TYW1: variants seen among roughly 807,000 people sequenced by gnomAD.
TYW1 encodes the protein S-adenosyl-L-methionine-dependent tRNA 4-demethylwyosine synthase TYW1.
In TYW1, 46 loss-of-function variants were observed where a neutral mutation model predicts 96.2. That is an observed-to-expected ratio of 0.48 (90% CI 0.38 to 0.61). The LOEUF is 0.61. Among genes scored for constraint, TYW1 ranks in the 20% least tolerant of loss-of-function variants. The probability of loss-of-function intolerance (pLI) is 0.00; values close to 1 mark genes in which losing one functional copy is unlikely to be tolerated. For missense variants in TYW1, 684 were observed against 909.6 expected (o/e 0.75, Z 3.19); for synonymous variants, 274 against 323.0 (o/e 0.85, Z 1.63).
chr7:67,092,674 CTTTTTTTTTT>C lies in TYW1; in HGVS notation c.1385-5850_1385-5841del, dbSNP rs3980762. The stretch of plus-strand genomic sequence containing the variant: ...TTCTTTTCCACGTGCCTATCACCTT[CTTTTTTTTTT>C]TTTTTTTTTTTTTTTTGAGACGGAA... On this transcript the variant is annotated intron_variant, in intron 11 of 15. Coordinates refer to ENST00000359626, the MANE Select transcript of TYW1 (RefSeq NM_018264.4). Among the ~76,000 whole-genome samples, 75 of 92,446 alleles carry C rather than the reference CTTTTTTTTTT, an allele frequency of 8.1e-4. 2 individuals are homozygous for C. The highest frequency in any genetic ancestry group is 1.1e-3 in the African/African-American group (29 of 25,392). 60.6% of individuals were successfully genotyped at this position (92,446 alleles called of 152,430 possible). A position where few individuals can be genotyped will look rare whatever the true frequency, so the allele number is the denominator to read the frequency against.
intron 15 of TYW1, among the ~76,000 whole-genome samples, chr7:67,211,231 A>G (rs1197583660): frequency 1.4e-5 from 2 of 145,554 alleles, no homozygotes; most frequent in East Asian, 2.0e-4. Context: ...ATTCTCCAGG[A>G]TTATCTCACA....
chr7:67,186,574 A>G, intron 14 of TYW1, among the ~76,000 whole-genome samples: 1 of 147,412 alleles, frequency 6.8e-6, no homozygotes, highest in East Asian at 1.9e-4. Flanking sequence ...AGCAGCCTCC[A>G]GCTCCTGGGC....
Position 67,083,505 on chromosome 7 carries a change from T to G in TYW1, c.1350T>G (p.Ile450Met). Residue 450 changes from isoleucine (I) to methionine (M), a missense_variant, in exon 11 of 16, where the codon ATT becomes ATG. Ile to Met is a conservative substitution (Grantham distance 10). Transcript: ENST00000359626. ...CTGAAATGATCTTGAAGGAAGCCAT[T>G]GAAAACCATCAGAACATGATTAAGC... is the stretch of plus-strand genomic sequence containing the variant. The part of the protein sequence containing the change: ...DQPEMILKEA[I>M]ENHQNMIKQF... The G allele has an allele frequency of 6.2e-7, 1 of 1,614,120 alleles. No homozygotes were observed.
chr7:67,114,662 T>C (rs1467033702), intron 12 of TYW1, among the ~76,000 whole-genome samples: 1 of 152,238 alleles, frequency 6.6e-6, no homozygotes, highest in Non-Finnish European at 1.5e-5. Context: ...ATTTTGATGA[T>C]GTAAGACTCT....
At chr7:67,198,184 A>G (rs961663555) in intron 15 of TYW1, among the ~76,000 whole-genome samples, 3 of 152,062 alleles carry the variant, frequency 2.0e-5, no homozygotes, top group African/African-American at 7.2e-5. Context: ...ATCAGCTTGT[A>G]ATGTCCTTTA....
At chr7:67,089,361 GC>G in intron 11 of TYW1, 1 of 1,239,458 alleles carries the variant, frequency 8.1e-7, no homozygotes, top group African/African-American at 1.5e-5. Flanking sequence ...CATTCCCAAG[GC>G]TTAGGTATCC....
At position 67,085,560 on chromosome 7, in the gene TYW1, C is replaced by T. The variant is rs182559350; in HGVS notation, c.1384+2021C>T. On this transcript the variant is annotated intron_variant, in intron 11 of 15. Transcript: ENST00000359626. Reference sequence around the variant, plus strand: ...TTTCCTTTATAAATTACCCTGTCTCCGGCAGTTCTTTATAGCAGTATGAAA... The same window carrying T: ...TTTCCTTTATAAATTACCCTGTCTCTGGCAGTTCTTTATAGCAGTATGAAA... Among the ~76,000 whole-genome samples, 211 of 152,200 alleles carry T rather than the reference C, an allele frequency of 1.4e-3. 1 individual carries two copies. The highest frequency in any genetic ancestry group is 4.8e-3 in the African/African-American group (198 of 41,518).
At chr7:67,027,929 C>CAAAA (rs5884602) in intron 7 of TYW1, among the ~76,000 whole-genome samples, 1 of 122,308 alleles carries the variant, frequency 8.2e-6, no homozygotes, top group African/African-American at 3.1e-5. Context: ...GACTCCATCT[C>CAAAA]AAAAAAAAAA....
At chr7:67,169,912 A>G (rs1489520091) in intron 13 of TYW1, among the ~76,000 whole-genome samples, 1 of 152,208 alleles carries the variant, frequency 6.6e-6, no homozygotes, top group Non-Finnish European at 1.5e-5. Context: ...TAGTAATTCT[A>G]TATTTAACTT....
chr7:67,163,146 G>T (rs1363087382), intron 13 of TYW1, among the ~76,000 whole-genome samples: 2 of 151,914 alleles, frequency 1.3e-5, no homozygotes, highest in African/African-American at 4.8e-5. Context: ...TTCATACTAT[G>T]GACTGTCTTG....
At chr7:67,166,827 T>A (rs1277800230) in intron 13 of TYW1, among the ~76,000 whole-genome samples, 1 of 152,096 alleles carries the variant, frequency 6.6e-6, no homozygotes. Context: ...TAATAACTTT[T>A]CTGTACATGT....
At chr7:67,034,864 G>A (rs1005576556) in intron 7 of TYW1, among the ~76,000 whole-genome samples, 5 of 152,208 alleles carry the variant, frequency 3.3e-5, no homozygotes, top group African/African-American at 1.2e-4. Flanking sequence ...GTCAAAGGGA[G>A]TTTGTAGTTT....
At chr7:67,213,274 C>T (rs1179086390) in intron 15 of TYW1, among the ~76,000 whole-genome samples, 1 of 151,982 alleles carries the variant, frequency 6.6e-6, no homozygotes, top group Non-Finnish European at 1.5e-5. Flanking sequence ...CTAAGGGGAT[C>T]CTCCCACCTC....
Position 67,010,776 on chromosome 7 carries a change from A to T in TYW1, c.375+1092A>T, listed in dbSNP as rs28592883. On this transcript the variant is annotated intron_variant, in intron 4 of 15. Transcript: ENST00000359626. ...AGACGTGAGTCACCGCGCCTGGCCAAAAGATTTTTTATAGAGATACGGTCT... is the reference window on the plus strand; with the variant it reads ...AGACGTGAGTCACCGCGCCTGGCCATAAGATTTTTTATAGAGATACGGTCT... Among the ~76,000 whole-genome samples, 188 of 152,034 alleles carry T rather than the reference A, an allele frequency of 1.2e-3. 2 individuals carry two copies. Among genetic ancestry groups the T allele is most frequent in the African/African-American group, 4.2e-3 (174 of 41,480 alleles).
intron 11 of TYW1, among the ~76,000 whole-genome samples, chr7:67,090,045 A>C (rs75436968): frequency 0.02 from 3,102 of 152,282 alleles, 110 homozygotes; most frequent in African/African-American, 0.069. Context: ...TGAAAAAGAC[A>C]TCATTTATTG....
chr7:67,006,948 C>CTTTTTGTTTTTTTTTTT (rs1793614695), intron 3 of TYW1, among the ~76,000 whole-genome samples: 1 of 45,118 alleles, frequency 2.2e-5, no homozygotes, highest in Non-Finnish European at 3.7e-5. Flanking sequence ...AGATGTGAGG[C>CTTTTTGTTTTTTTTTTT]TTTTTTTTTT....
Position 67,064,750 on chromosome 7 carries a change from T to C in TYW1, c.1156-2535T>C, listed in dbSNP as rs1795808157. 2.6e-5 allele frequency among the ~76,000 whole-genome samples: 4 copies of C among 152,156 alleles called. No individual in the cohort carries two copies. In the South Asian group the frequency reaches 8.3e-4, roughly 31 times the overall value. ...GGGAATTCTGGGAGATAAATTCAAG[T>C]TGACATTTGAGTGGGGACACAGCCA... On this transcript the variant is annotated intron_variant, in intron 9 of 15. Transcript: ENST00000359626.
intron 7 of TYW1, among the ~76,000 whole-genome samples, chr7:67,043,985 T>A (rs199729612): frequency 1.3e-5 from 2 of 152,226 alleles, no homozygotes; most frequent in East Asian, 3.9e-4. Context: ...GGGGTTAAAT[T>A]GCAGCAAAAG....
chr7:67,111,818 A>G (rs1797414791), intron 12 of TYW1, among the ~76,000 whole-genome samples: 1 of 152,098 alleles, frequency 6.6e-6, no homozygotes, highest in African/African-American at 2.4e-5. Context: ...TCAAAGAAAG[A>G]TCCCGGCGTG....
Sources: allele counts gnomAD v4.1 joint callset (sites outside exome capture counted in the v4.1 genomes callset), GRCh38; gene constraint gnomAD v4.1.1; transcripts MANE v1.5; gene names NCBI Gene and HGNC (gene_info 2026-07-23, HGNC 2026-07-21).